Variants in TANC1 observed in about 807,000 individuals in gnomAD.
TANC1 encodes protein TANC1.
In TANC1, 77 loss-of-function variants were observed where a neutral mutation model predicts 149.7. The observed-to-expected ratio is 0.51, with a 90% confidence interval of 0.43 to 0.62. The LOEUF (loss-of-function observed/expected upper bound fraction) is 0.62, where lower values mean the gene tolerates loss of function less well. Among genes scored for constraint, TANC1 ranks in the 20% least tolerant of loss-of-function variants. The pLI is 0.00. For synonymous variants in TANC1, 854 were observed against 925.0 expected (o/e 0.92, Z 1.39); for missense variants, 1,985 against 2,321.8 (o/e 0.85, Z 2.98).
At chr2:159,096,291 G>GTGTTT (rs1387030312) in intron 3 of TANC1, among the ~76,000 whole-genome samples, 62 of 113,492 alleles carry the variant, frequency 5.5e-4, no homozygotes, top group African/African-American at 2.2e-3. Flanking sequence ...AGGACTGGCT[G>GTGTTT]TATTTTTTTT....
In TANC1 at chr2:159,118,112, A is replaced by C. The variant is rs547248774; in HGVS notation, c.260-18082A>C. On this transcript the variant is annotated intron_variant, in intron 4 of 26. Transcript: ENST00000263635. Reference sequence around the variant, plus strand: ...CTTCTGCTCCCATCTTTTGATGTACACAGTAGCTACCTGGCTTATCACTGT... The same window carrying C: ...CTTCTGCTCCCATCTTTTGATGTACCCAGTAGCTACCTGGCTTATCACTGT... Among the ~76,000 whole-genome samples, 14 of 152,302 alleles carry C rather than the reference A, an allele frequency of 9.2e-5. No homozygotes were observed. In the South Asian group the frequency reaches 2.9e-3, roughly 32 times the overall value.
At chr2:159,019,969 G>C (rs377728023) in intron 2 of TANC1, among the ~76,000 whole-genome samples, 1 of 151,992 alleles carries the variant, frequency 6.6e-6, no homozygotes, top group Non-Finnish European at 1.5e-5. Flanking sequence ...CTTTCCAAGC[G>C]CTGCCAAGAG....
intron 4 of TANC1, among the ~76,000 whole-genome samples, chr2:159,120,606 T>A (rs1229292159): frequency 6.6e-6 from 1 of 152,292 alleles, no homozygotes; most frequent in South Asian, 2.1e-4. Flanking sequence ...TTAATTATTT[T>A]TAGAATGAAT....
At chr2:159,083,976 G>A (rs2044554694) in intron 3 of TANC1, among the ~76,000 whole-genome samples, 1 of 152,156 alleles carries the variant, frequency 6.6e-6, no homozygotes, top group Non-Finnish European at 1.5e-5. Context: ...CATCAGCTGG[G>A]CATGGTGGCT....
At chr2:159,097,068 A>G (rs532581493) in intron 3 of TANC1, among the ~76,000 whole-genome samples, 2 of 152,222 alleles carry the variant, frequency 1.3e-5, no homozygotes, top group South Asian at 4.2e-4. Flanking sequence ...TTCCAGTCCC[A>G]TGACTGGTTT....
At chr2:159,127,269 T>A (rs2049551471) in intron 4 of TANC1, among the ~76,000 whole-genome samples, 1 of 152,134 alleles carries the variant, frequency 6.6e-6, no homozygotes, top group African/African-American at 2.4e-5. Context: ...TGAGATACCA[T>A]CTCATGTCAG....
chr2:159,063,333 G>A (rs1489282416), intron 2 of TANC1, among the ~76,000 whole-genome samples: 1 of 152,156 alleles, frequency 6.6e-6, no homozygotes, highest in Non-Finnish European at 1.5e-5. Flanking sequence ...TTGGCCCCTA[G>A]GGTCTATTCC....
chr2:159,036,130 G>A (rs1208428080), intron 2 of TANC1, among the ~76,000 whole-genome samples: 1 of 152,130 alleles, frequency 6.6e-6, no homozygotes. Context: ...TGCAGCAGCT[G>A]GGAGACGATT....
In TANC1 at chr2:159,192,939, C is replaced by G. The variant is rs144019380; in HGVS notation, c.2743-1318C>G. On this transcript the variant is annotated intron_variant, in intron 16 of 26. Coordinates refer to ENST00000263635, the MANE Select transcript of TANC1 (RefSeq NM_033394.3). ...TGGTGGGATTACAGGCATGAGCCAC[C>G]TTGCCTGGCTATTTGTTTAGTTTTT... 4.3e-4 allele frequency among the ~76,000 whole-genome samples: 65 copies of G among 152,372 alleles called. No individual in the cohort carries two copies. The East Asian group carries it at 0.012, about 27-fold the overall frequency.
chr2:159,146,511 A>G (rs935360159), intron 5 of TANC1, among the ~76,000 whole-genome samples: 3 of 148,422 alleles, frequency 2.0e-5, no homozygotes, highest in African/African-American at 7.4e-5. Flanking sequence ...AGAACAGTTG[A>G]TCATGAATTT....
intron 2 of TANC1, among the ~76,000 whole-genome samples, chr2:159,014,394 C>T (rs2038064639): frequency 6.6e-6 from 1 of 152,176 alleles, no homozygotes; most frequent in South Asian, 2.1e-4. Context: ...CCCCATGATT[C>T]AGTTATCTCC....
At chr2:159,182,157 C>T (rs975904877) in intron 14 of TANC1, among the ~76,000 whole-genome samples, 1 of 151,790 alleles carries the variant, frequency 6.6e-6, no homozygotes, top group African/African-American at 2.4e-5. Context: ...TGCAGTGAGT[C>T]GAGATCGTGC....
intron 8 of TANC1, 121 bp from the exon 9 acceptor site, chr2:159,169,129 G>A (rs2054908269): frequency 4.5e-6 from 3 of 669,618 alleles, no homozygotes; most frequent in South Asian, 3.4e-5. Flanking sequence ...TCAAAATGAA[G>A]TTTAAGTAAA....
chr2:159,227,603 T>TA (rs11444654), intron 24 of TANC1: 6,206 of 556,108 alleles, frequency 0.011, 220 homozygotes, highest in African/African-American at 0.086. Flanking sequence ...TCTCACTGTG[T>TA]AACCACAGGA....
At chr2:159,216,347 C>T (rs1343255918) in intron 19 of TANC1, among the ~76,000 whole-genome samples, 1 of 152,174 alleles carries the variant, frequency 6.6e-6, no homozygotes, top group Admixed American at 6.5e-5. Context: ...GAAACAGAGC[C>T]ATCCCAGGCA....
At chr2:159,092,608 G>A (rs78374749) in intron 3 of TANC1, among the ~76,000 whole-genome samples, 2,294 of 152,218 alleles carry the variant, frequency 0.015, 128 homozygotes, top group Admixed American at 0.11. Flanking sequence ...ACTTGTATGC[G>A]TATATATTTT....
intron 3 of TANC1, among the ~76,000 whole-genome samples, chr2:159,088,324 C>T (rs2045164553): frequency 6.6e-6 from 1 of 152,132 alleles, no homozygotes; most frequent in Non-Finnish European, 1.5e-5. Context: ...CTTATTTCTT[C>T]TCAGAAAGGT....
At chr2:159,073,386 T>C (rs986920639) in intron 3 of TANC1, among the ~76,000 whole-genome samples, 9 of 152,208 alleles carry the variant, frequency 5.9e-5, no homozygotes, top group African/African-American at 2.2e-4. Context: ...GAGAAAGCTC[T>C]GGACCCCAGA....
At chr2:159,139,834 G>A (rs2051165963) in intron 5 of TANC1, among the ~76,000 whole-genome samples, 1 of 152,164 alleles carries the variant, frequency 6.6e-6, no homozygotes, top group South Asian at 2.1e-4. Context: ...GGAGGAGAGG[G>A]TCTTTAGTTA....
Sources: gnomAD v4.1 joint callset for allele counts (sites outside exome capture counted in the v4.1 genomes callset) on GRCh38, gnomAD v4.1.1 for gene constraint, MANE v1.5 for transcripts, NCBI Gene and HGNC (gene_info 2026-07-23, HGNC 2026-07-21) for gene names.